AHCY: variants seen among roughly 807,000 people sequenced by gnomAD.
AHCY encodes S-adenosyl-L-homocysteine hydrolase.
AHCY carries 24 observed loss-of-function variants against 45.4 expected under a neutral mutation model. The ratio of observed to expected loss-of-function variants is 0.53; its 90% CI spans 0.38 to 0.74. The LOEUF (loss-of-function observed/expected upper bound fraction) is 0.74. Among genes scored for constraint, AHCY ranks in the 30% least tolerant of loss-of-function variants. The probability of loss-of-function intolerance (pLI) is 0.00; values close to 1 mark genes in which losing one functional copy is unlikely to be tolerated. For synonymous variants in AHCY, 245 were observed against 235.1 expected (o/e 1.04, Z -0.39); for missense variants, 449 against 594.1 (o/e 0.76, Z 2.54).
At chr20:34,269,592 T>TC in the AHCY span, among the ~76,000 whole-genome samples, 4 of 151,630 alleles carry the variant, frequency 2.6e-5, no homozygotes, top group Non-Finnish European at 5.9e-5. Flanking sequence ...GAACAGCCTT[T>TC]CAGTCTCACA....
At chr20:34,250,362 A>C in the AHCY span, among the ~76,000 whole-genome samples, 3 of 152,182 alleles carry the variant, frequency 2.0e-5, no homozygotes, top group African/African-American at 7.2e-5. Flanking sequence ...ATACTAAAAC[A>C]ATGCTAAAAT....
downstream of AHCY, among the ~76,000 whole-genome samples, chr20:34,277,759 A>C (rs1432481135): frequency 6.6e-6 from 1 of 150,602 alleles, no homozygotes. Flanking sequence ...CATCTCAAAA[A>C]AAAAAAAAAA....
At chr20:34,275,472 T>A (rs943374901), downstream of AHCY, among the ~76,000 whole-genome samples, 3 of 152,012 alleles carry the variant, frequency 2.0e-5, no homozygotes, top group African/African-American at 7.2e-5. Context: ...TAACCTGGTG[T>A]CTTCAATGTC....
chr20:34,307,383 G>GT (rs996904695), upstream of AHCY, among the ~76,000 whole-genome samples: 23 of 150,730 alleles, frequency 1.5e-4, no homozygotes, highest in African/African-American at 4.4e-4. Flanking sequence ...TTTGTTTTTT[G>GT]TTTTTTTTGT....
chr20:34,280,930 G>T lies in AHCY; in HGVS notation c.*104C>A. 1.3e-6 allele frequency: 2 copies of T among 1,535,060 alleles called. No individual in the cohort carries two copies. The highest frequency in any genetic ancestry group is 8.9e-7 in the Non-Finnish European group (1 of 1,127,622). ...GATCAGCCCCAGAGAGTCGATGGGG[G>T]ACACTGACAAACCAATCACAAAGTT... On this transcript the variant is annotated 3_prime_UTR_variant, in exon 10 of 10. Coordinates refer to ENST00000217426, the MANE Select transcript of AHCY (RefSeq NM_000687.4).
chr20:34,294,570 A>AG (rs1235773745), intron 2 of AHCY, among the ~76,000 whole-genome samples: 1 of 151,934 alleles, frequency 6.6e-6, no homozygotes, highest in Non-Finnish European at 1.5e-5. Flanking sequence ...GAGGAAAGGG[A>AG]GGGGAGGAGA....
chr20:34,306,471 T>C (rs1208800558), upstream of AHCY, among the ~76,000 whole-genome samples: 2 of 151,782 alleles, frequency 1.3e-5, no homozygotes, highest in African/African-American at 4.8e-5. Context: ...AGGTTCAAAG[T>C]GATTCTCGTA....
At chr20:34,258,209 T>C in the AHCY span, among the ~76,000 whole-genome samples, 1 of 151,966 alleles carries the variant, frequency 6.6e-6, no homozygotes, top group African/African-American at 2.4e-5. Context: ...TAGATATTGA[T>C]GGAGCAAACA....
chr20:34,277,834 T>C (rs1230908119), downstream of AHCY, among the ~76,000 whole-genome samples: 4 of 148,574 alleles, frequency 2.7e-5, no homozygotes, highest in Non-Finnish European at 5.9e-5. Flanking sequence ...AAGACAGCCA[T>C]CTGAAGTAGG....
the AHCY span, among the ~76,000 whole-genome samples, chr20:34,267,657 G>A: frequency 2.0e-5 from 3 of 151,616 alleles, no homozygotes; most frequent in Non-Finnish European, 4.4e-5. Context: ...TCAGCCTCCC[G>A]GGAGTAGCTG....
chr20:34,292,544 C>A (rs770026338), intron 3 of AHCY, 37 bp from the exon 4 acceptor site: 1 of 1,613,290 alleles, frequency 6.2e-7, no homozygotes, highest in Non-Finnish European at 8.5e-7. Context: ...CTGGACTTCC[C>A]AACTGGTACC....
chr20:34,247,245 A>G, the AHCY span, among the ~76,000 whole-genome samples: 1 of 150,690 alleles, frequency 6.6e-6, no homozygotes, highest in South Asian at 2.1e-4. Flanking sequence ...ATGGTCCTCA[A>G]TTGAAACAGG....
chr20:34,302,949 G>A (rs1320455890), intron 1 of AHCY: 3 of 985,328 alleles, frequency 3.0e-6, no homozygotes, highest in Admixed American at 1.2e-4. Context: ...GTCCCAGGCC[G>A]TGGCCAGGTG....
the AHCY span, among the ~76,000 whole-genome samples, chr20:34,257,070 C>CTTTT: frequency 2.9e-5 from 4 of 139,424 alleles, no homozygotes; most frequent in African/African-American, 1.1e-4. Context: ...CTTTCTTTCT[C>CTTTT]TTTTTTTTTT....
intron 1 of AHCY, chr20:34,311,454 C>G (rs899244858): frequency 6.6e-6 from 1 of 152,296 alleles, no homozygotes; most frequent in Non-Finnish European, 1.5e-5. Flanking sequence ...GGTCCCTCCT[C>G]CCGACCTTTG....
the AHCY span, among the ~76,000 whole-genome samples, chr20:34,261,084 T>C: frequency 6.6e-6 from 1 of 152,218 alleles, no homozygotes; most frequent in African/African-American, 2.4e-5. Flanking sequence ...GAGAATTAAG[T>C]AACTAGCACG....
chr20:34,275,209 T>C, the AHCY span, among the ~76,000 whole-genome samples: 8 of 150,142 alleles, frequency 5.3e-5, no homozygotes, highest in African/African-American at 2.0e-4. Flanking sequence ...CTCCGCTCAC[T>C]GCAACCTCCG....
intron 9 of AHCY, among the ~76,000 whole-genome samples, chr20:34,282,045 G>T (rs1250345710): frequency 1.3e-5 from 2 of 152,198 alleles, no homozygotes; most frequent in Admixed American, 1.3e-4. Context: ...TGATTAAAAT[G>T]TATCTATAAA....
chr20:34,288,523 C>T (rs1182399592), intron 8 of AHCY, among the ~76,000 whole-genome samples: 1 of 152,058 alleles, frequency 6.6e-6, no homozygotes, highest in Non-Finnish European at 1.5e-5. Context: ...AAAAGTTAGC[C>T]AGGTGTAGTA....
Sources: gnomAD v4.1 joint callset for allele counts (sites outside exome capture counted in the v4.1 genomes callset) on GRCh38, gnomAD v4.1.1 for gene constraint, MANE v1.5 for transcripts, NCBI Gene and HGNC (gene_info 2026-07-23, HGNC 2026-07-21) for gene names.